Variants in STIM1 observed in about 807,000 individuals in gnomAD.
STIM1 encodes the protein stromal interaction molecule 1.
A neutral mutation model predicts 74.7 loss-of-function variants in STIM1; 25 were observed. The ratio of observed to expected loss-of-function variants is 0.33; its 90% CI spans 0.24 to 0.47. The LOEUF is 0.47. Ranked by LOEUF, STIM1 falls within the 20% of genes least tolerant of loss-of-function variation. The pLI, the probability that STIM1 is intolerant of heterozygous loss-of-function variation, is 1.00. For synonymous variants in STIM1, 328 were observed against 348.8 expected (o/e 0.94, Z 0.66); for missense variants, 728 against 920.8 (o/e 0.79, Z 2.71).
intron 1 of STIM1, among the ~76,000 whole-genome samples, chr11:3,915,601 G>T (rs1267799239): frequency 6.6e-6 from 1 of 151,950 alleles, no homozygotes; most frequent in African/African-American, 2.4e-5. Context: ...GTTTCACGGT[G>T]TTAGCCAGGA....
At chr11:4,086,382 G>T in intron 11 of STIM1, 95 bp from the exon 12 acceptor site, 1 of 1,430,692 alleles carries the variant, frequency 7.0e-7, no homozygotes, top group Admixed American at 1.9e-5. Context: ...GAGGCCCAGG[G>T]TGGTCTCCAG....
intron 1 of STIM1, chr11:3,892,380 A>G: frequency 7.3e-7 from 1 of 1,379,042 alleles, no homozygotes. Context: ...GATAAAACAC[A>G]AGTCAAACTT....
intron 2 of STIM1, among the ~76,000 whole-genome samples, chr11:4,005,419 T>G (rs905447025): frequency 6.6e-6 from 1 of 152,114 alleles, no homozygotes; most frequent in African/African-American, 2.4e-5. Context: ...GATGAGTTCA[T>G]CTCCTTTGTA....
rs372423825 is a variant in STIM1, at chr11:3,858,247, G to GTT, written c.139+1843_139+1844dup. Among the ~76,000 whole-genome samples the GTT allele has an allele frequency of 1.1e-3, 126 of 119,684 alleles. 1 individual carries two copies. The highest frequency in any genetic ancestry group is 9.9e-4 in the African/African-American group (34 of 34,396). 78.5% of individuals were successfully genotyped at this position (119,684 alleles called of 152,430 possible). ...CTATTAGGAAGGTTTTTTTTTTTTT[G>GTT]TTTTTTGTTTTTCGCCTGAAGTAAA... On this transcript the variant is annotated intron_variant, in intron 1 of 12. Coordinates refer to ENST00000526596, the MANE Select transcript of STIM1 (RefSeq NM_001382567.1).
intron 5 of STIM1, among the ~76,000 whole-genome samples, chr11:4,061,732 A>C (rs1439292879): frequency 6.6e-6 from 1 of 152,224 alleles, no homozygotes; most frequent in Non-Finnish European, 1.5e-5. Flanking sequence ...CCAAAAAATA[A>C]AACAACCCAA....
chr11:3,968,429 C>T (rs2093360483), intron 2 of STIM1, among the ~76,000 whole-genome samples: 1 of 152,194 alleles, frequency 6.6e-6, no homozygotes. Context: ...GAGATATCCC[C>T]ATTCTCTCTT....
chr11:3,969,797 T>C (rs973066164), intron 2 of STIM1, among the ~76,000 whole-genome samples: 1 of 152,204 alleles, frequency 6.6e-6, no homozygotes, highest in African/African-American at 2.4e-5. Flanking sequence ...TATGTATACT[T>C]GTTGAACCAG....
At chr11:4,069,975 C>G in intron 5 of STIM1, 51 bp from the exon 6 acceptor site, 1 of 1,603,222 alleles carries the variant, frequency 6.2e-7, no homozygotes, top group Non-Finnish European at 8.5e-7. Context: ...GTCTGCAAGG[C>G]TAAGTGTGCA....
At chr11:3,981,404 T>G (rs1237407490) in intron 2 of STIM1, among the ~76,000 whole-genome samples, 2 of 152,256 alleles carry the variant, frequency 1.3e-5, no homozygotes, top group Non-Finnish European at 2.9e-5. Context: ...CTAGGTTTTA[T>G]TCATTGCTGT....
chr11:3,961,800 G>A (rs1199535815), intron 1 of STIM1, among the ~76,000 whole-genome samples: 2 of 152,142 alleles, frequency 1.3e-5, no homozygotes, highest in African/African-American at 2.4e-5. Context: ...GAGCCACTGC[G>A]CCCGGCCAAA....
chr11:3,977,049 G>C (rs2093454881), intron 2 of STIM1, among the ~76,000 whole-genome samples: 1 of 150,744 alleles, frequency 6.6e-6, no homozygotes, highest in Non-Finnish European at 1.5e-5. Flanking sequence ...CCCGCCTCCA[G>C]CTCCGAAAGT....
intron 11 of STIM1, 178 bp from the exon 12 acceptor site, chr11:4,086,299 A>G: frequency 1.5e-6 from 1 of 671,352 alleles, no homozygotes; most frequent in Non-Finnish European, 2.5e-6. Flanking sequence ...CTTCATCTTC[A>G]ATTTCCCATC....
intron 1 of STIM1, among the ~76,000 whole-genome samples, chr11:3,907,674 C>A (rs1213636333): frequency 6.6e-6 from 1 of 152,180 alleles, no homozygotes; most frequent in Non-Finnish European, 1.5e-5. Flanking sequence ...CAAAATTGTT[C>A]AGTGGCTTTA....
At chr11:4,010,466 C>T (rs904785153) in intron 2 of STIM1, among the ~76,000 whole-genome samples, 4 of 152,206 alleles carry the variant, frequency 2.6e-5, no homozygotes, top group East Asian at 1.9e-4. Context: ...CCACTGCGCC[C>T]GGCCAAAATT....
chr11:3,909,541 G>A (rs2092525534), intron 1 of STIM1, among the ~76,000 whole-genome samples: 1 of 152,062 alleles, frequency 6.6e-6, no homozygotes, highest in Non-Finnish European at 1.5e-5. Flanking sequence ...GTCATCTTAT[G>A]GGGCTGGGCG....
chr11:3,989,611 T>C, intron 2 of STIM1: 1 of 408,352 alleles, frequency 2.4e-6, no homozygotes, highest in Non-Finnish European at 4.6e-6. Flanking sequence ...ACCCTGATTT[T>C]TACATTTTAA....
At chr11:3,941,181 C>CTTTTGTA (rs2093000405) in intron 1 of STIM1, among the ~76,000 whole-genome samples, 1 of 152,126 alleles carries the variant, frequency 6.6e-6, no homozygotes, top group Non-Finnish European at 1.5e-5. Flanking sequence ...CAAAAGAGTA[C>CTTTTGTA]ATGCCTCTAC....
intron 12 of STIM1, chr11:4,088,831 A>C: frequency 1.5e-6 from 2 of 1,336,456 alleles, no homozygotes; most frequent in Non-Finnish European, 2.1e-6. Flanking sequence ...AGGGAAGGTG[A>C]GCCTGCCTCA....
chr11:3,885,103 T>G (rs2091655953), intron 1 of STIM1, among the ~76,000 whole-genome samples: 1 of 152,172 alleles, frequency 6.6e-6, no homozygotes, highest in Admixed American at 6.6e-5. Context: ...CTTATAGATA[T>G]ATTAAAAATC....
Sources: gnomAD v4.1 joint callset for allele counts (sites outside exome capture counted in the v4.1 genomes callset) on GRCh38, gnomAD v4.1.1 for gene constraint, MANE v1.5 for transcripts, NCBI Gene and HGNC (gene_info 2026-07-23, HGNC 2026-07-21) for gene names.